CCDC170: variants seen among roughly 807,000 people sequenced by gnomAD.
CCDC170 encodes the protein coiled-coil domain-containing protein 170.
A neutral mutation model predicts 72.6 loss-of-function variants in CCDC170; 69 were observed. The ratio of observed to expected loss-of-function variants is 0.95; its 90% CI spans 0.78 to 1.16. The LOEUF is 1.16. CCDC170 is among the 50% of genes most tolerant of loss of function. The pLI, the probability that CCDC170 is intolerant of heterozygous loss-of-function variation, is 0.00. For missense variants in CCDC170, 852 were observed against 832.5 expected, an observed-to-expected ratio of 1.02 and a Z score of -0.29; for synonymous variants, 300 against 303.9, an observed-to-expected ratio of 0.99 and a Z score of 0.13.
intron 1 of CCDC170, among the ~76,000 whole-genome samples, chr6:151,523,051 T>G (rs1782347267): frequency 6.6e-6 from 1 of 152,192 alleles, no homozygotes; most frequent in Admixed American, 6.5e-5. Flanking sequence ...AGAATTGTTA[T>G]AGGAAGGTTG....
chr6:151,528,585 C>T (rs1006744440), intron 1 of CCDC170, among the ~76,000 whole-genome samples: 1 of 152,132 alleles, frequency 6.6e-6, no homozygotes, highest in African/African-American at 2.4e-5. Flanking sequence ...GTGGCTCATG[C>T]CTGTAATCCC....
At chr6:151,591,985 G>A (rs1275096339) in intron 7 of CCDC170, among the ~76,000 whole-genome samples, 1 of 152,046 alleles carries the variant, frequency 6.6e-6, no homozygotes, top group Non-Finnish European at 1.5e-5. Context: ...GACAACCTTT[G>A]AGGCCAGGGC....
At chr6:151,495,346 A>AT (rs1433245480) in intron 1 of CCDC170, among the ~76,000 whole-genome samples, 1 of 151,936 alleles carries the variant, frequency 6.6e-6, no homozygotes, top group Non-Finnish European at 1.5e-5. Context: ...TTTTATCCCA[A>AT]TGTGGTGTCT....
rs534037712 is a variant in CCDC170, at chr6:151,531,088, A to G, written c.58-5230A>G. ...GTTCTTGCATTGCTTTTGTGCTTAG[A>G]AAGTCGGCTATGGCTTTCATGTTTG... On this transcript the variant is annotated intron_variant, in intron 1 of 10. Coordinates refer to ENST00000239374, the MANE Select transcript of CCDC170 (RefSeq NM_025059.4). Among the ~76,000 whole-genome samples the G allele has an allele frequency of 2.2e-4, 33 of 152,306 alleles. No individual in the cohort carries two copies. The South Asian group carries it at 6.4e-3, about 30-fold the overall frequency.
intron 1 of CCDC170, among the ~76,000 whole-genome samples, chr6:151,524,279 G>A (rs1418057858): frequency 5.9e-5 from 9 of 152,132 alleles, no homozygotes; most frequent in African/African-American, 9.7e-5. Flanking sequence ...TCTTCAGTTC[G>A]AAAGAATTCA....
At chr6:151,506,749 C>T (rs546651854) in intron 1 of CCDC170, among the ~76,000 whole-genome samples, 50 of 152,184 alleles carry the variant, frequency 3.3e-4, no homozygotes, top group Non-Finnish European at 6.3e-4. Flanking sequence ...ATGAGATTAG[C>T]ATTTAAATCA....
intron 2 of CCDC170, 132 bp from the exon 3 acceptor site, chr6:151,537,913 G>GA: frequency 1.6e-5 from 14 of 882,674 alleles, no homozygotes; most frequent in South Asian, 2.0e-5. Flanking sequence ...ACAAATATTA[G>GA]AAAAAAAATA....
chr6:151,589,661 T>C (rs1776504994), intron 7 of CCDC170, among the ~76,000 whole-genome samples: 1 of 152,222 alleles, frequency 6.6e-6, no homozygotes, highest in Non-Finnish European at 1.5e-5. Flanking sequence ...CCCAGCATTG[T>C]TCTTTGTGCC....
chr6:151,591,714 C>T (rs912976716), intron 7 of CCDC170, among the ~76,000 whole-genome samples: 1 of 152,108 alleles, frequency 6.6e-6, no homozygotes, highest in African/African-American at 2.4e-5. Flanking sequence ...CCAGCATGGT[C>T]TCCATCTCCT....
intron 1 of CCDC170, among the ~76,000 whole-genome samples, chr6:151,497,704 G>A (rs969619721): frequency 6.6e-6 from 1 of 151,822 alleles, no homozygotes; most frequent in Non-Finnish European, 1.5e-5. Context: ...TGCTGGGTGC[G>A]GTGGCTCATG....
At chr6:151,552,648 T>C in intron 5 of CCDC170, among the ~76,000 whole-genome samples, 1 of 152,198 alleles carries the variant, frequency 6.6e-6, no homozygotes, top group East Asian at 1.9e-4. Flanking sequence ...TCCTTCAGGA[T>C]GTACCCTGTG....
chr6:151,494,256 C>A, intron 1 of CCDC170, 71 bp downstream of exon 1: 1 of 1,397,962 alleles, frequency 7.2e-7, no homozygotes, highest in South Asian at 1.4e-5. Context: ...GGCCGAGGCG[C>A]CCCTGATTTG....
At chr6:151,545,121 C>T (rs1031500286) in intron 4 of CCDC170, among the ~76,000 whole-genome samples, 6 of 151,986 alleles carry the variant, frequency 3.9e-5, no homozygotes, top group African/African-American at 7.2e-5. Flanking sequence ...TAAAAATTTA[C>T]ATTAAAACCA....
At chr6:151,561,081 G>C in intron 5 of CCDC170, among the ~76,000 whole-genome samples, 1 of 151,514 alleles carries the variant, frequency 6.6e-6, no homozygotes, top group South Asian at 2.1e-4. Flanking sequence ...TTTTAAAATT[G>C]TGTGGGTACA....
chr6:151,539,440 G>A (rs549399423), intron 3 of CCDC170, among the ~76,000 whole-genome samples: 15 of 152,224 alleles, frequency 9.9e-5, no homozygotes, highest in South Asian at 8.3e-4. Flanking sequence ...TCTTTGAACC[G>A]TTTTCTTCTT....
At chr6:151,543,847 AT>A (rs1196862459) in intron 3 of CCDC170, among the ~76,000 whole-genome samples, 5 of 152,072 alleles carry the variant, frequency 3.3e-5, no homozygotes, top group East Asian at 3.9e-4. Flanking sequence ...TATATATCAT[AT>A]TTTTTTTCCC....
intron 7 of CCDC170, among the ~76,000 whole-genome samples, chr6:151,586,366 A>G (rs1296736641): frequency 6.6e-6 from 1 of 152,214 alleles, no homozygotes; most frequent in Admixed American, 6.5e-5. Flanking sequence ...AAAGGCTCAT[A>G]ATTCAATAGG....
intron 7 of CCDC170, among the ~76,000 whole-genome samples, chr6:151,588,720 C>A (rs890798140): frequency 1.3e-5 from 2 of 152,064 alleles, no homozygotes; most frequent in African/African-American, 4.8e-5. Context: ...GCAGGTGGAT[C>A]GCTTGAGCTC....
intron 2 of CCDC170, among the ~76,000 whole-genome samples, chr6:151,537,728 A>G (rs1782612833): frequency 6.6e-6 from 1 of 152,190 alleles, no homozygotes; most frequent in Non-Finnish European, 1.5e-5. Flanking sequence ...CAATAATAGC[A>G]ATACAGATTT....
Sources: allele counts gnomAD v4.1 joint callset (sites outside exome capture counted in the v4.1 genomes callset), GRCh38; gene constraint gnomAD v4.1.1; transcripts MANE v1.5; gene names NCBI Gene and HGNC (gene_info 2026-07-23, HGNC 2026-07-21).